GRIA3: variants seen among roughly 807,000 people sequenced by gnomAD.
GRIA3 encodes glutamate ionotropic receptor AMPA type subunit 3.
GRIA3 carries 3 observed loss-of-function variants against 63.0 expected under a neutral mutation model. The ratio of observed to expected loss-of-function variants is 0.05; its 90% CI spans 0.02 to 0.12. GRIA3 has a LOEUF of 0.12. Among genes scored for constraint, GRIA3 ranks in the 10% least tolerant of loss-of-function variants. The pLI, the probability that GRIA3 is intolerant of heterozygous loss-of-function variation, is 1.00. For synonymous variants in GRIA3, 274 were observed against 257.9 expected, an observed-to-expected ratio of 1.06 and a Z score of -0.60; for missense variants, 347 against 700.9, an observed-to-expected ratio of 0.50 and a Z score of 5.70.
At chrX:123,202,747 G>T in intron 2 of GRIA3, 2 of 1,166,675 alleles carry the variant, frequency 1.7e-6, no homozygotes, top group Non-Finnish European at 2.3e-6. Context: ...TGTTCACCAG[G>T]TGGGGCCCGC....
chrX:123,368,271 G>A (rs2045226061), intron 5 of GRIA3, among the ~76,000 whole-genome samples: 1 of 111,580 alleles, frequency 9.0e-6, no homozygotes, highest in Non-Finnish European at 1.9e-5. Context: ...ACATGATAAA[G>A]AGGACCAGTA....
chrX:123,400,724 CTA>C (rs1418821627), intron 7 of GRIA3, among the ~76,000 whole-genome samples: 3 of 112,057 alleles, frequency 2.7e-5, no homozygotes, highest in Non-Finnish European at 5.6e-5. Flanking sequence ...GCACCCATGA[CTA>C]TGTATCAGGC....
rs947869611 is a variant in GRIA3, at chrX:123,304,430, ATC to A, written c.509-21592_509-21591del. On this transcript the variant is annotated intron_variant, in intron 3 of 15. Transcript: ENST00000620443. ...ACTTCTGATGTCCTGCGATTATACC[ATC>A]TCTGTGATTTCTTACATGGCCTCTA... 3.6e-5 allele frequency among the ~76,000 whole-genome samples: 4 copies of A among 111,608 alleles called. No homozygotes were observed. The Admixed American group carries it at 3.8e-4, about 11-fold the overall frequency.
At chrX:123,237,243 T>A (rs777864460) in intron 2 of GRIA3, among the ~76,000 whole-genome samples, 2 of 112,272 alleles carry the variant, frequency 1.8e-5, no homozygotes, top group African/African-American at 6.5e-5. Context: ...AGAAAATTCC[T>A]ACAGGAGACC....
chrX:123,380,316 A>G (rs2045315295), intron 5 of GRIA3, among the ~76,000 whole-genome samples: 1 of 111,868 alleles, frequency 8.9e-6, no homozygotes, highest in Non-Finnish European at 1.9e-5. Context: ...TTGTTTCCCG[A>G]CTTTTTAATG....
At chrX:123,262,760 T>C (rs1320519997) in intron 3 of GRIA3, among the ~76,000 whole-genome samples, 1 of 111,615 alleles carries the variant, frequency 9.0e-6, no homozygotes, top group Non-Finnish European at 1.9e-5. Flanking sequence ...AAGAGAAATT[T>C]CATGATAGGC....
intron 2 of GRIA3, among the ~76,000 whole-genome samples, chrX:123,200,283 C>G (rs1350462026): frequency 9.1e-6 from 1 of 109,650 alleles, no homozygotes; most frequent in African/African-American, 3.3e-5. Flanking sequence ...TGCTCATTGT[C>G]AACAAACAAA....
At chrX:123,331,546 T>C (rs1191009979) in intron 4 of GRIA3, among the ~76,000 whole-genome samples, 1 of 111,248 alleles carries the variant, frequency 9.0e-6, no homozygotes, top group African/African-American at 3.3e-5. Flanking sequence ...TATAGCTACA[T>C]GCTTGCTCCC....
chrX:123,371,283 G>C (rs1411340991), intron 5 of GRIA3, among the ~76,000 whole-genome samples: 2 of 109,725 alleles, frequency 1.8e-5, no homozygotes, highest in Admixed American at 2.0e-4. Context: ...CCATTCATCT[G>C]CTTGTGGACC....
At chrX:123,379,821 G>T (rs2045311585) in intron 5 of GRIA3, among the ~76,000 whole-genome samples, 1 of 79,841 alleles carries the variant, frequency 1.3e-5, no homozygotes, top group Admixed American at 1.8e-4. Flanking sequence ...AGGCCCCGGT[G>T]TGTGATGTTC....
intron 3 of GRIA3, among the ~76,000 whole-genome samples, chrX:123,290,586 C>CTGTGTGTGTG (rs761564682): frequency 1.0e-4 from 9 of 90,196 alleles, no homozygotes; most frequent in Non-Finnish European, 1.8e-4. Context: ...CCTCAAAGGA[C>CTGTGTGTGTG]TGTGTGTGTG....
At chrX:123,240,685 T>C (rs1393899020) in intron 2 of GRIA3, among the ~76,000 whole-genome samples, 1 of 112,066 alleles carries the variant, frequency 8.9e-6, no homozygotes, top group Non-Finnish European at 1.9e-5. Context: ...ATTTTGATCT[T>C]AGGTAATAAC....
intron 12 of GRIA3, among the ~76,000 whole-genome samples, chrX:123,457,107 T>A (rs928981638): frequency 8.9e-6 from 1 of 111,804 alleles, no homozygotes; most frequent in African/African-American, 3.2e-5. Flanking sequence ...CATTTTTGTT[T>A]GAAACTCTTG....
chrX:123,311,546 A>G (rs768652191), intron 3 of GRIA3, among the ~76,000 whole-genome samples: 5 of 112,582 alleles, frequency 4.4e-5, no homozygotes, highest in Non-Finnish European at 9.4e-5. Flanking sequence ...TAAGAAAGTC[A>G]GAAGAAACCG....
chrX:123,468,307 G>A (rs112401352), intron 13 of GRIA3, among the ~76,000 whole-genome samples: 2 of 111,142 alleles, frequency 1.8e-5, no homozygotes, highest in Non-Finnish European at 3.8e-5. Context: ...AATCAATGGA[G>A]AAGGAGGTAG....
At chrX:123,385,032 G>A (rs747551882) in intron 5 of GRIA3, among the ~76,000 whole-genome samples, 15 of 112,051 alleles carry the variant, frequency 1.3e-4, no homozygotes, top group African/African-American at 3.9e-4. Context: ...TTTTGCTTTC[G>A]TTGGGATTGC....
At chrX:123,375,674 C>T (rs182300759) in intron 5 of GRIA3, among the ~76,000 whole-genome samples, 170 of 111,509 alleles carry the variant, frequency 1.5e-3, no homozygotes, top group East Asian at 9.5e-3. Flanking sequence ...ACTGTATTTG[C>T]GGATATCACC....
intron 2 of GRIA3, among the ~76,000 whole-genome samples, chrX:123,252,556 C>A (rs1468576617): frequency 9.0e-6 from 1 of 111,541 alleles, no homozygotes; most frequent in African/African-American, 3.3e-5. Flanking sequence ...GCAATGTGGC[C>A]CACTTTGAAA....
At chrX:123,265,004 C>G (rs1468524192) in intron 3 of GRIA3, among the ~76,000 whole-genome samples, 1 of 111,498 alleles carries the variant, frequency 9.0e-6, no homozygotes, top group Non-Finnish European at 1.9e-5. Context: ...TGTAAAATGA[C>G]AGAGTGGACT....
Sources: gnomAD v4.1 joint callset for allele counts (sites outside exome capture counted in the v4.1 genomes callset) on GRCh38, gnomAD v4.1.1 for gene constraint, MANE v1.5 for transcripts, NCBI Gene and HGNC (gene_info 2026-07-23, HGNC 2026-07-21) for gene names.